The following WDFY1 variants were observed in gnomAD, a reference collection of about 807,000 sequenced individuals.
WDFY1 encodes WD repeat and FYVE domain containing 1.
Under a neutral mutation model 56.4 loss-of-function variants are expected in WDFY1, and 32 were observed. That is an observed-to-expected ratio of 0.57 (90% CI 0.43 to 0.76). The LOEUF (loss-of-function observed/expected upper bound fraction) is 0.76. WDFY1 is among the 30% of genes least tolerant of loss of function. The pLI is 0.00. For synonymous variants in WDFY1, 192 were observed against 197.3 expected, an observed-to-expected ratio of 0.97 and a Z score of 0.23; for missense variants, 480 against 545.7, an observed-to-expected ratio of 0.88 and a Z score of 1.20.
intron 6 of WDFY1, among the ~76,000 whole-genome samples, chr2:223,898,399 T>C (rs1004891024): frequency 1.3e-5 from 2 of 152,184 alleles, no homozygotes; most frequent in African/African-American, 4.8e-5. Flanking sequence ...ACTTATTTTA[T>C]TTTTATTTCT....
chr2:223,906,012 A>G lies in WDFY1; in HGVS notation c.280-11T>C. 6.5e-7 allele frequency: 1 copy of G among 1,545,492 alleles called. No homozygotes were observed. Among genetic ancestry groups the G allele is most frequent in the Non-Finnish European group, 8.7e-7 (1 of 1,145,878 alleles). Reference sequence around the variant, plus strand: ...AGAAACGTGAAATTCCTAAAAGCAAATGCACAAAATAAAAAATTAAAAGAG... The same window carrying G: ...AGAAACGTGAAATTCCTAAAAGCAAGTGCACAAAATAAAAAATTAAAAGAG... On this transcript the variant is annotated splice_polypyrimidine_tract_variant and intron_variant, in intron 3 of 11. Coordinates refer to ENST00000233055, the MANE Select transcript of WDFY1 (RefSeq NM_020830.5).
At chr2:223,922,943 T>G (rs1292476477) in intron 1 of WDFY1, among the ~76,000 whole-genome samples, 1 of 152,226 alleles carries the variant, frequency 6.6e-6, no homozygotes, top group African/African-American at 2.4e-5. Context: ...GCATATAGTT[T>G]GGTTGGCACA....
intron 10 of WDFY1, among the ~76,000 whole-genome samples, chr2:223,880,624 A>G (rs510760): frequency 0.9 from 132,635 of 147,346 alleles, 60,106 homozygotes; most frequent in South Asian, 0.96. Context: ...AAAAAAAAAA[A>G]AAAGTAAATG....
At chr2:223,920,151 C>G (rs929941490) in intron 1 of WDFY1, among the ~76,000 whole-genome samples, 3 of 152,208 alleles carry the variant, frequency 2.0e-5, no homozygotes, top group Admixed American at 6.5e-5. Context: ...ATTTTCAATG[C>G]AAACTTGAAA....
chr2:223,945,085 C>T lies in WDFY1; in HGVS notation c.137+63G>A, dbSNP rs559687499. On this transcript the variant is annotated intron_variant, in intron 1 of 11. Coordinates refer to ENST00000233055, the MANE Select transcript of WDFY1 (RefSeq NM_020830.5). Reference sequence around the variant, plus strand: ...CGCAGGAAGGACCGGGGCCGCGGACCCCACCGCCCCCACACCCCGTCGTCG... The same window carrying T: ...CGCAGGAAGGACCGGGGCCGCGGACTCCACCGCCCCCACACCCCGTCGTCG... The T allele has an allele frequency of 1.2e-4, 184 of 1,497,854 alleles. 3 individuals carry two copies. In the African/African-American group the frequency reaches 2.5e-3, roughly 20 times the overall value. 92.8% of individuals were successfully genotyped at this position (1,497,854 alleles called of 1,614,324 possible). A position where few individuals can be genotyped will look rare whatever the true frequency, so the allele number is the denominator to read the frequency against.
At chr2:223,881,784 T>A (rs1169993602) in intron 10 of WDFY1, among the ~76,000 whole-genome samples, 158 bp downstream of exon 10, 1 of 151,896 alleles carries the variant, frequency 6.6e-6, no homozygotes, top group Admixed American at 6.6e-5. Flanking sequence ...CAAGACTCTG[T>A]CTCAAAAAAC....
intron 1 of WDFY1, among the ~76,000 whole-genome samples, chr2:223,940,393 G>A (rs973254590): frequency 1.0e-3 from 152 of 152,126 alleles, no homozygotes; most frequent in African/African-American, 3.5e-3. Context: ...CACTTCTGAC[G>A]TTTAGAATGC....
At chr2:223,921,121 AACCATGGAT>A (rs765582110) in intron 1 of WDFY1, among the ~76,000 whole-genome samples, 1 of 152,190 alleles carries the variant, frequency 6.6e-6, no homozygotes, top group Non-Finnish European at 1.5e-5. Context: ...GGGTGTTGGT[AACCATGGAT>A]ATATGTATTT....
intron 1 of WDFY1, among the ~76,000 whole-genome samples, chr2:223,936,493 C>T (rs991185130): frequency 1.3e-5 from 2 of 152,168 alleles, no homozygotes; most frequent in Non-Finnish European, 2.9e-5. Flanking sequence ...TGCTGGAACT[C>T]AGGGAAGCCA....
In WDFY1 at chr2:223,899,147, AAAGT is replaced by A. The variant is rs1268186965; in HGVS notation, c.486-81_486-78del. On this transcript the variant is annotated intron_variant, in intron 5 of 11. Coordinates refer to ENST00000233055, the MANE Select transcript of WDFY1 (RefSeq NM_020830.5). ...CATAAGAGAGATACCAGCATTAGTC[AAAGT>A]TAGTTTTCAAAGTTAGAAAACATGC... The A allele has an allele frequency of 1.3e-4, 153 of 1,200,640 alleles. No individual in the cohort carries two copies. The Middle Eastern group carries it at 1.4e-3, about 11-fold the overall frequency. 74.4% of individuals were successfully genotyped at this position (1,200,640 alleles called of 1,614,324 possible). A position where few individuals can be genotyped will look rare whatever the true frequency, so the allele number is the denominator to read the frequency against.
intron 5 of WDFY1, 188 bp downstream of exon 5, chr2:223,900,995 T>C: frequency 1.6e-6 from 1 of 639,124 alleles, no homozygotes; most frequent in Middle Eastern, 4.4e-4. Context: ...ATGTATTAGG[T>C]TGGTGCAAAA....
In WDFY1 at chr2:223,938,731, G is replaced by A. The variant is rs539007318; in HGVS notation, c.137+6417C>T. Among the ~76,000 whole-genome samples, 7 of 152,150 alleles carry A rather than the reference G, an allele frequency of 4.6e-5. No homozygotes were observed. The East Asian group carries it at 1.2e-3, about 25-fold the overall frequency. On this transcript the variant is annotated intron_variant, in intron 1 of 11. Transcript: ENST00000233055. ...ACATTGGCTTAATACTCTTTGGAGT[G>A]CTGACCGTATCTAGCTTTGTCATAT...
At chr2:223,897,390 A>ATATATTTTTTTTTT (rs1461451983) in intron 6 of WDFY1, among the ~76,000 whole-genome samples, 9 of 125,988 alleles carry the variant, frequency 7.1e-5, no homozygotes, top group African/African-American at 1.5e-4. Context: ...ATATATATAT[A>ATATATTTTTTTTTT]TTTTTTAAGA....
intron 4 of WDFY1, among the ~76,000 whole-genome samples, chr2:223,904,726 T>A (rs1693569024): frequency 6.6e-6 from 1 of 152,178 alleles, no homozygotes; most frequent in African/African-American, 2.4e-5. Flanking sequence ...AAGTATAAAA[T>A]TTTAGAAATA....
In WDFY1 at chr2:223,895,488, A is replaced by G. The variant is rs1693349748; in HGVS notation, c.725+16T>C. The G allele has an allele frequency of 1.2e-6, 2 of 1,613,730 alleles. No homozygotes were observed. The highest frequency in any genetic ancestry group is 8.5e-7 in the Non-Finnish European group (1 of 1,179,778). On this transcript the variant is annotated intron_variant, in intron 7 of 11. Transcript: ENST00000233055. ...TAACTCGGATTCTTTCCCCACCCCC[A>G]CAAGTGGTCACGCACTGATGGCCCT...
intron 1 of WDFY1, among the ~76,000 whole-genome samples, chr2:223,921,411 A>C (rs2106094565): frequency 6.6e-6 from 1 of 152,294 alleles, no homozygotes; most frequent in African/African-American, 2.4e-5. Flanking sequence ...GACTGCAGGA[A>C]ACTCCATAGA....
chr2:223,885,721 G>A (rs536227120), intron 8 of WDFY1, among the ~76,000 whole-genome samples: 78 of 152,272 alleles, frequency 5.1e-4, no homozygotes, highest in African/African-American at 1.5e-3. Flanking sequence ...AAAGGCTTGC[G>A]GGGTCACAGG....
chr2:223,882,210 G>A, intron 9 of WDFY1, 138 bp from the exon 10 acceptor site: 1 of 1,169,294 alleles, frequency 8.6e-7, no homozygotes, highest in African/African-American at 1.6e-5. Flanking sequence ...TGGCGCCCGG[G>A]TTCTACCAAT....
Position 223,899,071 on chromosome 2 carries a change from C to T in WDFY1, c.486-1G>A. Reference sequence around the variant, plus strand: ...AGCATACTGAGTGTCAAAGTCATATCTGAGGAGAAGCAGTCAAGGATGTAG... The same window carrying T: ...AGCATACTGAGTGTCAAAGTCATATTTGAGGAGAAGCAGTCAAGGATGTAG... On this transcript the variant is annotated splice_acceptor_variant, in intron 5 of 11. Coordinates refer to ENST00000233055, the MANE Select transcript of WDFY1 (RefSeq NM_020830.5). LOFTEE classifies it high-confidence loss of function. 6.2e-7 allele frequency: 1 copy of T among 1,613,112 alleles called. No individual in the cohort carries two copies. The highest frequency in any genetic ancestry group is 8.5e-7 in the Non-Finnish European group (1 of 1,179,112).
Sources: allele counts gnomAD v4.1 joint callset (sites outside exome capture counted in the v4.1 genomes callset), GRCh38; gene constraint gnomAD v4.1.1; transcripts MANE v1.5; gene names NCBI Gene and HGNC (gene_info 2026-07-23, HGNC 2026-07-21).